CAB39: variants seen among roughly 807,000 people sequenced by gnomAD.
The protein encoded by CAB39 is calcium-binding protein 39.
A neutral mutation model predicts 40.0 loss-of-function variants in CAB39; 8 were observed. The ratio of observed to expected loss-of-function variants is 0.20; its 90% confidence interval spans 0.12 to 0.36. The LOEUF is 0.36. CAB39 is among the 10% of genes least tolerant of loss of function. The pLI is 1.00. For missense variants in CAB39, 270 were observed against 401.1 expected (o/e 0.67, Z 2.79); for synonymous variants, 156 against 141.6 (o/e 1.10, Z -0.72).
At chr2:230,747,137 A>G (rs1694991018) in intron 1 of CAB39, among the ~76,000 whole-genome samples, 1 of 152,118 alleles carries the variant, frequency 6.6e-6, no homozygotes, top group Non-Finnish European at 1.5e-5. Context: ...GTGCAGGAGA[A>G]TCGCTTAAAC....
chr2:230,767,377 A>G (rs1695405111), intron 2 of CAB39, among the ~76,000 whole-genome samples: 1 of 152,122 alleles, frequency 6.6e-6, no homozygotes, highest in South Asian at 2.1e-4. Flanking sequence ...CCTTGTTCCC[A>G]CTGAGCTGTC....
intron 2 of CAB39, 91 bp from the exon 3 acceptor site, chr2:230,790,781 A>T: frequency 9.4e-7 from 1 of 1,061,398 alleles, no homozygotes; most frequent in Non-Finnish European, 1.4e-6. Context: ...TCTGTAATAT[A>T]GAGAGGTGAT....
intron 1 of CAB39, among the ~76,000 whole-genome samples, chr2:230,718,647 G>C (rs958425931): frequency 2.6e-5 from 4 of 152,156 alleles, no homozygotes; most frequent in Non-Finnish European, 5.9e-5. Flanking sequence ...TGCTACATCT[G>C]ATGTGCTGCC....
chr2:230,788,539 C>A (rs543919365), intron 2 of CAB39, among the ~76,000 whole-genome samples: 2 of 152,264 alleles, frequency 1.3e-5, no homozygotes, highest in Admixed American at 1.3e-4. Flanking sequence ...TGTGAAGAAT[C>A]ATTTTTCTTC....
At chr2:230,728,553 C>G (rs925843557) in intron 1 of CAB39, among the ~76,000 whole-genome samples, 1 of 152,156 alleles carries the variant, frequency 6.6e-6, no homozygotes. Flanking sequence ...CCACCTGCCT[C>G]AGCTTCCCAA....
At chr2:230,780,251 T>G (rs1246358475) in intron 2 of CAB39, among the ~76,000 whole-genome samples, 4 of 152,178 alleles carry the variant, frequency 2.6e-5, no homozygotes, top group Non-Finnish European at 5.9e-5. Flanking sequence ...GATGAACTTA[T>G]CAGACTTACA....
chr2:230,719,492 T>C (rs1223704589), intron 1 of CAB39, among the ~76,000 whole-genome samples: 2 of 152,244 alleles, frequency 1.3e-5, no homozygotes, highest in East Asian at 1.9e-4. Context: ...CATTACAATC[T>C]AAAAGAGATG....
intron 4 of CAB39, among the ~76,000 whole-genome samples, chr2:230,794,089 T>C (rs1469006022): frequency 6.6e-6 from 1 of 152,166 alleles, no homozygotes; most frequent in Non-Finnish European, 1.5e-5. Flanking sequence ...GTCTGTTCTA[T>C]TAAGTTGGTG....
At chr2:230,799,358 A>G (rs556496669) in intron 5 of CAB39, among the ~76,000 whole-genome samples, 23 of 152,362 alleles carry the variant, frequency 1.5e-4, no homozygotes, top group African/African-American at 4.8e-4. Context: ...GCCCGAGGAA[A>G]CAGTGGATTC....
At chr2:230,754,417 C>T (rs1234599156) in intron 1 of CAB39, among the ~76,000 whole-genome samples, 2 of 145,590 alleles carry the variant, frequency 1.4e-5, no homozygotes, top group African/African-American at 5.3e-5. Flanking sequence ...CCTTCTTCCC[C>T]TTTCCCTCCT....
intron 6 of CAB39, among the ~76,000 whole-genome samples, chr2:230,812,829 T>C (rs891207658): frequency 9.2e-5 from 14 of 152,356 alleles, no homozygotes; most frequent in African/African-American, 3.4e-4. Flanking sequence ...TCCTGTCTGT[T>C]GTTCTATGAA....
chr2:230,740,157 A>G (rs972165307), intron 1 of CAB39, among the ~76,000 whole-genome samples: 1 of 152,234 alleles, frequency 6.6e-6, no homozygotes, highest in South Asian at 2.1e-4. Flanking sequence ...CAGTGATACT[A>G]TAATGCAGTT....
intron 1 of CAB39, chr2:230,725,063 T>G: frequency 6.6e-7 from 1 of 1,503,978 alleles, no homozygotes; most frequent in Non-Finnish European, 9.2e-7. Context: ...ATCTTTTCCT[T>G]CGTAGAGGAC....
chr2:230,754,500 C>T (rs898309094), intron 1 of CAB39, among the ~76,000 whole-genome samples: 2 of 147,542 alleles, frequency 1.4e-5, no homozygotes, highest in East Asian at 4.0e-4. Context: ...TCTTCCTCCT[C>T]CTCCTCATCC....
chr2:230,778,035 A>G (rs1695624500), intron 2 of CAB39, among the ~76,000 whole-genome samples: 1 of 152,328 alleles, frequency 6.6e-6, no homozygotes, highest in East Asian at 1.9e-4. Flanking sequence ...AAGGAAGAAT[A>G]TTTTATCCTT....
intron 1 of CAB39, among the ~76,000 whole-genome samples, chr2:230,742,510 TA>T (rs1378148363): frequency 6.9e-6 from 1 of 143,990 alleles, no homozygotes; most frequent in Non-Finnish European, 1.5e-5. Flanking sequence ...CTTCTTATAT[TA>T]AGTGACAAAG....
At chr2:230,758,270 T>A (rs1575925787) in intron 1 of CAB39, among the ~76,000 whole-genome samples, 1 of 129,004 alleles carries the variant, frequency 7.8e-6, no homozygotes. Context: ...GCTGCTGCAC[T>A]CCAACCTGGG....
Position 230,814,042 on chromosome 2 carries a change from CTT to C in CAB39, c.628-4_628-3del. 1 of 262,766 alleles carries C rather than the reference CTT, an allele frequency of 3.8e-6. No individual in the cohort carries two copies. Among genetic ancestry groups the C allele is most frequent in the South Asian group, 4.2e-5 (1 of 23,844 alleles). The allele number at this position is 262,766 out of a possible 1,614,324, so 16.3% of individuals were successfully genotyped here. ...ATAACCCTGATTTATGTTCTCTTAT[CTT>C]TTAGTTTTTCAGTGAATATGAGAAG... On this transcript the variant is annotated splice_polypyrimidine_tract_variant and splice_region_variant and intron_variant, in intron 6 of 8. Coordinates refer to ENST00000258418, the MANE Select transcript of CAB39 (RefSeq NM_016289.4).
intron 1 of CAB39, among the ~76,000 whole-genome samples, chr2:230,737,573 G>A (rs1015489209): frequency 1.1e-4 from 17 of 152,134 alleles, no homozygotes; most frequent in African/African-American, 2.9e-4. Flanking sequence ...ATTACAGAGC[G>A]CTGTCACGAA....
Sources: gnomAD v4.1 joint callset for allele counts (sites outside exome capture counted in the v4.1 genomes callset) on GRCh38, gnomAD v4.1.1 for gene constraint, MANE v1.5 for transcripts, NCBI Gene and HGNC (gene_info 2026-07-23, HGNC 2026-07-21) for gene names.